Variants in SSBP3 observed in about 807,000 individuals in gnomAD.
The protein encoded by SSBP3 is single-stranded DNA-binding protein 3.
Under a neutral mutation model 69.6 loss-of-function variants are expected in SSBP3, and 5 were observed. The observed-to-expected ratio is 0.07, with a 90% CI of 0.04 to 0.15. The LOEUF (loss-of-function observed/expected upper bound fraction) is 0.15. Among genes scored for constraint, SSBP3 ranks in the 10% least tolerant of loss-of-function variants. The pLI, the probability that SSBP3 is intolerant of heterozygous loss-of-function variation, is 1.00. For missense variants in SSBP3, 312 were observed against 534.0 expected (o/e 0.58, Z 4.10); for synonymous variants, 196 against 193.4 (o/e 1.01, Z -0.11).
At chr1:54,254,361 GCTCT>G (rs1350281304) in intron 7 of SSBP3, among the ~76,000 whole-genome samples, 1 of 152,178 alleles carries the variant, frequency 6.6e-6, no homozygotes, top group Non-Finnish European at 1.5e-5. Context: ...GTGTGGGAGA[GCTCT>G]CTGACAACCC....
At chr1:54,257,641 C>CT (rs1197567051) in intron 6 of SSBP3, among the ~76,000 whole-genome samples, 1 of 152,056 alleles carries the variant, frequency 6.6e-6, no homozygotes, top group Admixed American at 6.6e-5. Context: ...GGAGCAAGGA[C>CT]TGGGGGGGAA....
intron 4 of SSBP3, among the ~76,000 whole-genome samples, chr1:54,347,369 TTA>T (rs1005248478): frequency 4.1e-5 from 6 of 147,356 alleles, no homozygotes; most frequent in Non-Finnish European, 7.4e-5. Context: ...TGTCCCCTTT[TTA>T]AAAAAAAAAA....
chr1:54,277,181 A>G (rs1645303447), intron 5 of SSBP3, among the ~76,000 whole-genome samples: 4 of 148,216 alleles, frequency 2.7e-5, no homozygotes, highest in South Asian at 4.7e-4. Context: ...GGCAAAGAGG[A>G]TATGTACCAC....
intron 7 of SSBP3, among the ~76,000 whole-genome samples, chr1:54,255,328 C>A (rs540857178): frequency 5.3e-5 from 8 of 152,280 alleles, no homozygotes; most frequent in African/African-American, 1.9e-4. Context: ...AGGGCCACCA[C>A]AATTATGATA....
At chr1:54,312,043 C>T (rs1253197784) in intron 4 of SSBP3, among the ~76,000 whole-genome samples, 1 of 152,210 alleles carries the variant, frequency 6.6e-6, no homozygotes, top group Admixed American at 6.5e-5. Flanking sequence ...CAGCTCTGAG[C>T]TCTGTAGTAT....
chr1:54,352,775 AT>A (rs1456809908), intron 4 of SSBP3, among the ~76,000 whole-genome samples: 1 of 152,176 alleles, frequency 6.6e-6, no homozygotes. Context: ...CAGAACTCCC[AT>A]CTCAATCAAC....
rs138868760 is a variant in SSBP3 at position 54,239,412 on chromosome 1, G to A, written c.857-213C>T. ...GAAAACCACTCAACCCCAGCAGTGT[G>A]GACACGGCACAGGGGGATTACGGGT... is the stretch of plus-strand genomic sequence containing the variant. On this transcript the variant is annotated intron_variant, in intron 13 of 17. Transcript: ENST00000610401. Among the ~76,000 whole-genome samples the A allele has an allele frequency of 1.3e-4, 20 of 152,244 alleles. No homozygotes were observed. The East Asian group carries it at 3.9e-3, about 29-fold the overall frequency.
At chr1:54,295,271 A>G (rs1450429622) in intron 4 of SSBP3, among the ~76,000 whole-genome samples, 1 of 152,114 alleles carries the variant, frequency 6.6e-6, no homozygotes, top group East Asian at 1.9e-4. Context: ...TCCAGCCCCT[A>G]ACAGATCAAG....
chr1:54,351,981 T>C (rs567406293), intron 4 of SSBP3, among the ~76,000 whole-genome samples: 5 of 152,278 alleles, frequency 3.3e-5, no homozygotes, highest in South Asian at 4.1e-4. Context: ...TTCCACAGCA[T>C]GGAAGGCAAA....
intron 5 of SSBP3, among the ~76,000 whole-genome samples, chr1:54,278,138 C>T (rs1325865360): frequency 1.3e-5 from 2 of 152,192 alleles, no homozygotes; most frequent in Admixed American, 1.3e-4. Context: ...TGCTGCAAAA[C>T]ACCAGAACAC....
At chr1:54,263,554 C>T (rs1385291626) in intron 5 of SSBP3, among the ~76,000 whole-genome samples, 1 of 152,242 alleles carries the variant, frequency 6.6e-6, no homozygotes, top group Non-Finnish European at 1.5e-5. Flanking sequence ...GCTCCTGTGG[C>T]CACTCGCCTG....
chr1:54,376,250 C>G (rs1647233023), intron 4 of SSBP3, among the ~76,000 whole-genome samples: 1 of 152,106 alleles, frequency 6.6e-6, no homozygotes, highest in Non-Finnish European at 1.5e-5. Context: ...GCCCTGAGGC[C>G]TTGCCCATTC....
chr1:54,262,733 G>C (rs1309826163), intron 5 of SSBP3, among the ~76,000 whole-genome samples: 2 of 152,228 alleles, frequency 1.3e-5, no homozygotes, highest in Non-Finnish European at 2.9e-5. Context: ...GAGCCAACCG[G>C]AACTGGGATG....
chr1:54,238,352 C>A (rs568778150), intron 14 of SSBP3: 1 of 470,274 alleles, frequency 2.1e-6, no homozygotes, highest in East Asian at 7.0e-5. Flanking sequence ...GTCTGTAGAC[C>A]TCCTTTTCAG....
At chr1:54,392,829 C>G (rs1461833344) in intron 4 of SSBP3, among the ~76,000 whole-genome samples, 1 of 152,192 alleles carries the variant, frequency 6.6e-6, no homozygotes, top group Non-Finnish European at 1.5e-5. Flanking sequence ...AAGGAAGAGA[C>G]ACAACCTTAA....
At chr1:54,317,228 T>C (rs2100341647) in intron 4 of SSBP3, among the ~76,000 whole-genome samples, 1 of 152,296 alleles carries the variant, frequency 6.6e-6, no homozygotes, top group South Asian at 2.1e-4. Flanking sequence ...GTAATGATAA[T>C]ATACTATTTA....
chr1:54,400,252 T>C (rs753562362), intron 4 of SSBP3, among the ~76,000 whole-genome samples: 1 of 152,154 alleles, frequency 6.6e-6, no homozygotes, highest in African/African-American at 2.4e-5. Flanking sequence ...AAAAATAGCA[T>C]AGATATGCTA....
chr1:54,290,509 C>T (rs1482238710), intron 4 of SSBP3, among the ~76,000 whole-genome samples: 1 of 152,252 alleles, frequency 6.6e-6, no homozygotes, highest in African/African-American at 2.4e-5. Flanking sequence ...AGGGGCCTCT[C>T]TCTTCTTAGT....
chr1:54,230,690 C>T (rs1024389101), intron 14 of SSBP3, among the ~76,000 whole-genome samples: 1 of 152,128 alleles, frequency 6.6e-6, no homozygotes, highest in Non-Finnish European at 1.5e-5. Context: ...CCTCCAACGC[C>T]CCCGGCCCCA....
Sources: allele counts gnomAD v4.1 joint callset (sites outside exome capture counted in the v4.1 genomes callset), GRCh38; gene constraint gnomAD v4.1.1; transcripts MANE v1.5; gene names NCBI Gene and HGNC (gene_info 2026-07-23, HGNC 2026-07-21).